WIPI2: variants seen among roughly 807,000 people sequenced by gnomAD.
WIPI2 encodes WD repeat domain, phosphoinositide interacting 2.
Under a neutral mutation model 52.3 loss-of-function variants are expected in WIPI2, and 28 were observed. The observed-to-expected ratio is 0.54, with a 90% CI of 0.40 to 0.73. WIPI2 has a LOEUF of 0.73. Ranked by LOEUF, WIPI2 falls within the 30% of genes least tolerant of loss-of-function variation. The probability of loss-of-function intolerance (pLI) is 0.00; values close to 1 mark genes in which losing one functional copy is unlikely to be tolerated. For missense variants in WIPI2, 506 were observed against 602.9 expected, an observed-to-expected ratio of 0.84 and a Z score of 1.68; for synonymous variants, 268 against 245.0, an observed-to-expected ratio of 1.09 and a Z score of -0.88.
At chr7:5,194,727 G>C (rs959088346) in intron 2 of WIPI2, among the ~76,000 whole-genome samples, 3 of 152,020 alleles carry the variant, frequency 2.0e-5, no homozygotes, top group African/African-American at 7.3e-5. Context: ...CTCCCGCCTG[G>C]GTAGCTCAGA....
rs1042059723 is a variant in WIPI2, at chr7:5,214,258, C to G, written c.212-277C>G. 2.9e-6 allele frequency: 4 copies of G among 1,390,990 alleles called. No individual in the cohort carries two copies. In the East Asian group the frequency reaches 8.6e-5, roughly 30 times the overall value. The allele number at this position is 1,390,990 out of a possible 1,614,324, so 86.2% of individuals were successfully genotyped here. ...GAGTTTGGTTCCTAAACTCACCATTCAAATCCAGCAACAGAACTGACTGAA... is the reference window on the plus strand; with the variant it reads ...GAGTTTGGTTCCTAAACTCACCATTGAAATCCAGCAACAGAACTGACTGAA... On this transcript the variant is annotated intron_variant, in intron 3 of 12. Transcript: ENST00000288828.
chr7:5,216,887 G>C, intron 5 of WIPI2: 2 of 698,698 alleles, frequency 2.9e-6, no homozygotes, highest in South Asian at 2.0e-5. Flanking sequence ...TCAAACCAAA[G>C]GCCTTTAATC....
intron 3 of WIPI2, among the ~76,000 whole-genome samples, chr7:5,206,842 A>G (rs1282779161): frequency 2.6e-5 from 4 of 152,160 alleles, no homozygotes; most frequent in South Asian, 2.1e-4. Context: ...CAGTGGTGCA[A>G]TCATAGCTTG....
chr7:5,229,680 G>A lies in WIPI2; in HGVS notation c.1194G>A (p.Gln398=), dbSNP rs748770964. 1.9e-6 allele frequency: 3 copies of A among 1,614,100 alleles called. No individual in the cohort carries two copies. Among genetic ancestry groups the A allele is most frequent in the Non-Finnish European group, 2.5e-6 (3 of 1,179,988 alleles). ...SASHDCPLVT[Q]TYGAAAGKGT... is the part of the protein sequence containing the mutation. ...CTCACGACTGCCCCTTAGTCACTCAGACATACGGCGCAGCTGCAGGAAAAG... is the reference window on the plus strand; with the variant it reads ...CTCACGACTGCCCCTTAGTCACTCAAACATACGGCGCAGCTGCAGGAAAAG... The change falls in exon 12 of 13, where the codon CAG becomes CAA. Residue 398 remains glutamine (Q), a synonymous_variant. Coordinates refer to ENST00000288828, the MANE Select transcript of WIPI2 (RefSeq NM_015610.4).
chr7:5,222,088 T>A (rs763290250), intron 7 of WIPI2, among the ~76,000 whole-genome samples: 3 of 152,056 alleles, frequency 2.0e-5, no homozygotes, highest in Non-Finnish European at 4.4e-5. Context: ...TAGTTGGGAT[T>A]ACAGGCATGC....
chr7:5,222,166 C>G (rs1472416588), intron 7 of WIPI2, among the ~76,000 whole-genome samples: 1 of 152,206 alleles, frequency 6.6e-6, no homozygotes, highest in Non-Finnish European at 1.5e-5. Context: ...TCAGGCTGGT[C>G]TCAAACTCCT....
At chr7:5,221,837 C>T (rs1365014303) in intron 7 of WIPI2, among the ~76,000 whole-genome samples, 3 of 152,262 alleles carry the variant, frequency 2.0e-5, no homozygotes, top group South Asian at 2.1e-4. Context: ...TCCAGCTAAT[C>T]GGCTCTCTGG....
intron 6 of WIPI2, 100 bp downstream of exon 6, chr7:5,217,287 C>G: frequency 8.3e-7 from 1 of 1,199,704 alleles, no homozygotes; most frequent in South Asian, 1.3e-5. Context: ...CTCAGCAATA[C>G]AACCGCTGCA....
chr7:5,209,867 C>T (rs1782467723), intron 3 of WIPI2, among the ~76,000 whole-genome samples: 1 of 152,112 alleles, frequency 6.6e-6, no homozygotes, highest in South Asian at 2.1e-4. Flanking sequence ...CCCAGCCCCT[C>T]CCATATTTCT....
intron 7 of WIPI2, 151 bp downstream of exon 7, chr7:5,218,165 T>A (rs1045142935): frequency 4.1e-6 from 3 of 727,930 alleles, no homozygotes; most frequent in African/African-American, 3.5e-5. Flanking sequence ...GCCACAGGCG[T>A]GTACTGCCCG....
At chr7:5,192,924 G>T (rs1053838223) in intron 1 of WIPI2, among the ~76,000 whole-genome samples, 194 bp from the exon 2 acceptor site, 3 of 152,114 alleles carry the variant, frequency 2.0e-5, no homozygotes, top group Non-Finnish European at 4.4e-5. Context: ...ATGTTATAGG[G>T]TCATTTCCCT....
At chr7:5,195,304 C>T (rs1421504043) in intron 2 of WIPI2, among the ~76,000 whole-genome samples, 1 of 151,852 alleles carries the variant, frequency 6.6e-6, no homozygotes, top group African/African-American at 2.4e-5. Context: ...TTGGGCAACA[C>T]AGGGAGACCT....
In WIPI2 at chr7:5,227,177, C is replaced by T. The variant is rs370611880; in HGVS notation, c.849-3C>T. The T allele has an allele frequency of 1.1e-5, 18 of 1,613,796 alleles. No individual in the cohort carries two copies. Among genetic ancestry groups the T allele is most frequent in the Non-Finnish European group, 1.4e-5 (16 of 1,179,978 alleles). ...TCATGTGTCTGGTGGCCTTTCCTTCCAGACCCCCAGAGGAGCCCACCACCT... is the reference window on the plus strand; with the variant it reads ...TCATGTGTCTGGTGGCCTTTCCTTCTAGACCCCCAGAGGAGCCCACCACCT... On this transcript the variant is annotated splice_region_variant and splice_polypyrimidine_tract_variant and intron_variant, in intron 9 of 12. Coordinates refer to ENST00000288828, the MANE Select transcript of WIPI2 (RefSeq NM_015610.4). This position sits in a 1 kb window ranked among gnomAD's most constrained non-coding sequence, Gnocchi z 8.1.
chr7:5,194,055 T>A (rs952403485), intron 2 of WIPI2, among the ~76,000 whole-genome samples: 12 of 152,332 alleles, frequency 7.9e-5, no homozygotes, highest in African/African-American at 2.4e-4. Context: ...ACGTGCATCA[T>A]GCAGCCAAGG....
chr7:5,215,275 C>T (rs1264994998), intron 4 of WIPI2, among the ~76,000 whole-genome samples: 7 of 143,124 alleles, frequency 4.9e-5, no homozygotes, highest in Non-Finnish European at 1.1e-4. Flanking sequence ...CATGTCATTG[C>T]ACTCCAGCTT....
At chr7:5,202,466 C>T (rs1390766006) in intron 3 of WIPI2, among the ~76,000 whole-genome samples, 5 of 152,172 alleles carry the variant, frequency 3.3e-5, no homozygotes, top group Admixed American at 2.6e-4. Flanking sequence ...TCACTGTACC[C>T]TTGACCTCCT....
intron 4 of WIPI2, 73 bp downstream of exon 4, chr7:5,214,777 C>T (rs920640041): frequency 3.3e-6 from 5 of 1,533,888 alleles, no homozygotes; most frequent in East Asian, 4.5e-5. Context: ...CCCACCCCAC[C>T]GGCATGCCCC....
intron 12 of WIPI2, 48 bp downstream of exon 12, chr7:5,229,786 G>C (rs552798257): frequency 6.2e-7 from 1 of 1,607,862 alleles, no homozygotes; most frequent in Non-Finnish European, 8.5e-7. Context: ...CCACAGCCCC[G>C]AGTGCTACTG....
chr7:5,199,486 TG>T, intron 2 of WIPI2, 89 bp from the exon 3 acceptor site: 2 of 1,139,614 alleles, frequency 1.8e-6, no homozygotes, highest in South Asian at 1.4e-5. Context: ...GGGAACTTGC[TG>T]GGAACTCGCT....
Sources: allele counts gnomAD v4.1 joint callset (sites outside exome capture counted in the v4.1 genomes callset), GRCh38; gene constraint gnomAD v4.1.1; non-coding constraint Gnocchi (gnomAD v3.1); transcripts MANE v1.5; gene names NCBI Gene and HGNC (gene_info 2026-07-23, HGNC 2026-07-21).